FBXO4: variants seen among roughly 807,000 people sequenced by gnomAD.
The protein encoded by FBXO4 is F-box only protein 4.
Under a neutral mutation model 43.7 loss-of-function variants are expected in FBXO4, and 36 were observed. That is an observed-to-expected ratio of 0.82 (90% CI 0.63 to 1.09). FBXO4 has a LOEUF of 1.09. Among genes scored for constraint, FBXO4 ranks in the 50% least tolerant of loss-of-function variants. The pLI is 0.00. For missense variants in FBXO4, 435 were observed against 474.1 expected, an observed-to-expected ratio of 0.92 and a Z score of 0.77; for synonymous variants, 180 against 165.6, an observed-to-expected ratio of 1.09 and a Z score of -0.67.
the FBXO4 span, among the ~76,000 whole-genome samples, chr5:41,964,797 G>A: frequency 1.3e-5 from 2 of 152,034 alleles, no homozygotes; most frequent in African/African-American, 2.4e-5. Flanking sequence ...TTTGTCAGAT[G>A]AGTAGATTGC....
At chr5:41,993,832 G>C in the FBXO4 span, among the ~76,000 whole-genome samples, 16 of 151,924 alleles carry the variant, frequency 1.1e-4, no homozygotes, top group Non-Finnish European at 7.4e-5. Context: ...GTGTAGGCTA[G>C]GAGGCTAAGC....
chr5:42,032,306 C>T, the FBXO4 span, among the ~76,000 whole-genome samples: 194 of 152,258 alleles, frequency 1.3e-3, no homozygotes, highest in African/African-American at 4.6e-3. Flanking sequence ...GGCCTATGTC[C>T]TCCCCTGCAG....
the FBXO4 span, among the ~76,000 whole-genome samples, chr5:42,009,544 A>G: frequency 1.3e-5 from 2 of 152,124 alleles, no homozygotes; most frequent in Admixed American, 1.3e-4. Flanking sequence ...CTGAATCACA[A>G]TGGGCTAAGT....
At chr5:42,006,954 C>A in the FBXO4 span, among the ~76,000 whole-genome samples, 1 of 120,724 alleles carries the variant, frequency 8.3e-6, no homozygotes, top group African/African-American at 3.3e-5. Flanking sequence ...ATATACATGA[C>A]ATATATACAT....
the FBXO4 span, among the ~76,000 whole-genome samples, chr5:41,956,232 G>T: frequency 6.6e-6 from 1 of 152,136 alleles, no homozygotes; most frequent in Non-Finnish European, 1.5e-5. Flanking sequence ...CTGGAGTAAG[G>T]ATTGGACACA....
chr5:42,017,329 C>T, the FBXO4 span, among the ~76,000 whole-genome samples: 6 of 151,912 alleles, frequency 3.9e-5, no homozygotes, highest in Non-Finnish European at 7.4e-5. Flanking sequence ...AACCAAAAAT[C>T]ATTACATGGA....
rs1383631089 is a variant in FBXO4 at position 41,941,418 on chromosome 5, GT to G, written c.*143del. The G allele has an allele frequency of 3.7e-6, 2 of 539,676 alleles. No individual in the cohort carries two copies. The highest frequency in any genetic ancestry group is 6.6e-6 in the Non-Finnish European group (2 of 302,978). The allele number at this position is 539,676 out of a possible 1,614,324, so 33.4% of individuals were successfully genotyped here. On this transcript the variant is annotated 3_prime_UTR_variant, in exon 7 of 7. Coordinates refer to ENST00000281623, the MANE Select transcript of FBXO4 (RefSeq NM_012176.3). ...TCATTTGGACAGCTATAACTGCTGT[GT>G]TTTTTATATTATTTTTACTCTTTAC... is the stretch of plus-strand genomic sequence containing the variant.
the FBXO4 span, among the ~76,000 whole-genome samples, chr5:41,992,396 G>T: frequency 1.3e-5 from 2 of 152,146 alleles, no homozygotes; most frequent in Non-Finnish European, 2.9e-5. Context: ...ATAAAAATAT[G>T]TTTTTTCTAT....
At chr5:41,963,061 T>C in the FBXO4 span, among the ~76,000 whole-genome samples, 1 of 152,184 alleles carries the variant, frequency 6.6e-6, no homozygotes, top group Non-Finnish European at 1.5e-5. Context: ...ACATATTATC[T>C]GGCTGGTTAC....
intron 5 of FBXO4, among the ~76,000 whole-genome samples, chr5:41,937,263 C>T (rs978681942): frequency 6.6e-6 from 1 of 152,126 alleles, no homozygotes; most frequent in Non-Finnish European, 1.5e-5. Context: ...AAGAGAACAT[C>T]TTTAACGCAG....
At chr5:41,943,844 G>A (rs1313320947), downstream of FBXO4, among the ~76,000 whole-genome samples, 2 of 152,170 alleles carry the variant, frequency 1.3e-5, no homozygotes, top group African/African-American at 2.4e-5. Flanking sequence ...GGCCTTCAAA[G>A]AGAGAATTAA....
At chr5:42,025,125 C>A in the FBXO4 span, among the ~76,000 whole-genome samples, 1 of 151,596 alleles carries the variant, frequency 6.6e-6, no homozygotes, top group Non-Finnish European at 1.5e-5. Flanking sequence ...TTTTTAGAAG[C>A]CTCCAAACTG....
chr5:41,964,336 T>A, the FBXO4 span, among the ~76,000 whole-genome samples: 1 of 152,142 alleles, frequency 6.6e-6, no homozygotes, highest in Non-Finnish European at 1.5e-5. Context: ...TGAAAGTATA[T>A]CATAGGCATC....
At chr5:41,991,585 C>G in the FBXO4 span, among the ~76,000 whole-genome samples, 2 of 152,306 alleles carry the variant, frequency 1.3e-5, no homozygotes, top group South Asian at 4.1e-4. Flanking sequence ...TTCAATGCTG[C>G]TCAATAATTC....
chr5:41,934,032 A>C lies in FBXO4; in HGVS notation c.722+11A>C, dbSNP rs755787042. ...ATATTCAACTACCAGGTAAGGCTACATACTTGGTGGCTTAACTGAAACATC... is the reference window on the plus strand; with the variant it reads ...ATATTCAACTACCAGGTAAGGCTACCTACTTGGTGGCTTAACTGAAACATC... On this transcript the variant is annotated intron_variant, in intron 4 of 6. Transcript: ENST00000281623. The C allele has an allele frequency of 1.9e-6, 3 of 1,612,328 alleles. No homozygotes were observed. In the African/African-American group the frequency reaches 4.0e-5, roughly 22 times the overall value.
At chr5:42,037,935 T>C in the FBXO4 span, among the ~76,000 whole-genome samples, 1 of 152,126 alleles carries the variant, frequency 6.6e-6, no homozygotes. Context: ...CCTCTTCTGC[T>C]GTAAACCCTG....
the FBXO4 span, among the ~76,000 whole-genome samples, chr5:41,989,961 T>C: frequency 4.6e-5 from 7 of 152,164 alleles, no homozygotes; most frequent in African/African-American, 1.7e-4. Context: ...GCCTGGTGGA[T>C]GCATATTGAT....
the FBXO4 span, among the ~76,000 whole-genome samples, chr5:41,957,698 A>T: frequency 6.6e-6 from 1 of 151,714 alleles, no homozygotes. Context: ...TCCCTCTTTG[A>T]TAATTTTAAC....
chr5:41,945,521 A>G (rs979023039), downstream of FBXO4, among the ~76,000 whole-genome samples: 2 of 152,184 alleles, frequency 1.3e-5, no homozygotes, highest in African/African-American at 4.8e-5. Flanking sequence ...GCCAGGTTGG[A>G]CTGCCAGAAT....
Sources: allele counts gnomAD v4.1 joint callset (sites outside exome capture counted in the v4.1 genomes callset), GRCh38; gene constraint gnomAD v4.1.1; transcripts MANE v1.5; gene names NCBI Gene and HGNC (gene_info 2026-07-23, HGNC 2026-07-21).